Variants in AGBL4 observed in about 807,000 individuals in gnomAD.
The protein encoded by AGBL4 is cytosolic carboxypeptidase 6.
AGBL4 carries 58 observed loss-of-function variants against 66.4 expected under a neutral mutation model. The ratio of observed to expected loss-of-function variants is 0.87; its 90% CI spans 0.71 to 1.09. The LOEUF (loss-of-function observed/expected upper bound fraction) is 1.09. AGBL4 is among the 50% of genes least tolerant of loss of function. AGBL4 has a pLI of 0.00. For synonymous variants in AGBL4, 234 were observed against 222.9 expected (o/e 1.05, Z -0.44); for missense variants, 579 against 631.0 (o/e 0.92, Z 0.88).
chr1:49,168,612 T>C (rs1002685307), intron 4 of AGBL4, among the ~76,000 whole-genome samples: 3 of 152,210 alleles, frequency 2.0e-5, no homozygotes, highest in African/African-American at 7.2e-5. Context: ...GGTGCAGCCC[T>C]AGATTTTTGT....
At chr1:49,751,127 G>A (rs547173052) in intron 2 of AGBL4, among the ~76,000 whole-genome samples, 127 of 152,214 alleles carry the variant, frequency 8.3e-4, no homozygotes, top group African/African-American at 2.4e-3. Flanking sequence ...ATACTATGTC[G>A]AATAGGAATG....
At chr1:49,692,514 C>T (rs1440271048) in intron 3 of AGBL4, among the ~76,000 whole-genome samples, 1 of 151,962 alleles carries the variant, frequency 6.6e-6, no homozygotes, top group Admixed American at 6.6e-5. Context: ...GTCAGGAGAT[C>T]GAGACCATCC....
At chr1:49,429,441 A>C (rs961174975) in intron 3 of AGBL4, among the ~76,000 whole-genome samples, 2 of 152,206 alleles carry the variant, frequency 1.3e-5, no homozygotes, top group African/African-American at 4.8e-5. Flanking sequence ...TAGGTCTAAT[A>C]TTCAATTTGA....
At chr1:49,771,022 T>A (rs1644042108) in intron 2 of AGBL4, among the ~76,000 whole-genome samples, 1 of 152,136 alleles carries the variant, frequency 6.6e-6, no homozygotes, top group Non-Finnish European at 1.5e-5. Flanking sequence ...GTGAGCTTTA[T>A]TATTTCCTTC....
chr1:48,554,169 G>T (rs570596846), intron 11 of AGBL4, among the ~76,000 whole-genome samples: 1 of 152,292 alleles, frequency 6.6e-6, no homozygotes, highest in Non-Finnish European at 1.5e-5. Context: ...AGGACATGGG[G>T]TCCTCTACCT....
chr1:49,692,282 G>A (rs780196613), intron 3 of AGBL4, among the ~76,000 whole-genome samples: 2 of 152,188 alleles, frequency 1.3e-5, no homozygotes, highest in Non-Finnish European at 2.9e-5. Context: ...TCATAAGTAA[G>A]AGTCAGAAAT....
chr1:49,921,212 A>T (rs1437609462), intron 1 of AGBL4, among the ~76,000 whole-genome samples: 1 of 152,144 alleles, frequency 6.6e-6, no homozygotes, highest in African/African-American at 2.4e-5. Context: ...CACGTTGTGC[A>T]CATGTACCCT....
chr1:49,517,153 C>A (rs1405411606), intron 3 of AGBL4, among the ~76,000 whole-genome samples: 1 of 151,490 alleles, frequency 6.6e-6, no homozygotes, highest in Non-Finnish European at 1.5e-5. Flanking sequence ...CTCACCTTTG[C>A]ATGAAGGGCA....
chr1:49,561,963 G>A (rs1021268162), intron 3 of AGBL4, among the ~76,000 whole-genome samples: 5 of 152,004 alleles, frequency 3.3e-5, no homozygotes, highest in African/African-American at 1.2e-4. Context: ...ATCCTCTCCA[G>A]CACCTGTTGT....
At chr1:48,679,848 C>A (rs1394212517) in intron 6 of AGBL4, among the ~76,000 whole-genome samples, 1 of 152,208 alleles carries the variant, frequency 6.6e-6, no homozygotes, top group Non-Finnish European at 1.5e-5. Flanking sequence ...AGTCGCTTTT[C>A]CAATAAGCCC....
intron 3 of AGBL4, among the ~76,000 whole-genome samples, chr1:49,650,088 A>C (rs1645971647): frequency 1.3e-5 from 2 of 152,228 alleles, no homozygotes; most frequent in South Asian, 4.1e-4. Flanking sequence ...AAATATTTGA[A>C]TCCAAAGTAA....
At chr1:48,846,680 C>T (rs1437710336) in intron 6 of AGBL4, among the ~76,000 whole-genome samples, 1 of 152,164 alleles carries the variant, frequency 6.6e-6, no homozygotes. Flanking sequence ...GGTTTTATCT[C>T]ACATGCAGAT....
intron 6 of AGBL4, among the ~76,000 whole-genome samples, chr1:48,727,345 C>A (rs900685250): frequency 1.6e-4 from 24 of 152,192 alleles, no homozygotes; most frequent in African/African-American, 5.3e-4. Flanking sequence ...AGAAAGAGAT[C>A]TGCTTTTGAG....
chr1:48,830,466 C>A (rs1033863390), intron 6 of AGBL4, among the ~76,000 whole-genome samples: 3 of 152,214 alleles, frequency 2.0e-5, no homozygotes, highest in Non-Finnish European at 4.4e-5. Context: ...TATTGCCTAA[C>A]CTGTCTGTCT....
intron 2 of AGBL4, among the ~76,000 whole-genome samples, chr1:49,790,177 G>C (rs2147926006): frequency 6.6e-6 from 1 of 152,132 alleles, no homozygotes; most frequent in East Asian, 1.9e-4. Context: ...AAGAGTTCAA[G>C]ACCAGCCTGC....
chr1:49,779,906 A>G (rs1644294784), intron 2 of AGBL4, among the ~76,000 whole-genome samples: 2 of 150,162 alleles, frequency 1.3e-5, no homozygotes, highest in Admixed American at 1.4e-4. Flanking sequence ...CGTTGAAAGA[A>G]AAAGACAATG....
chr1:49,576,730 G>T (rs1179077325), intron 3 of AGBL4, among the ~76,000 whole-genome samples: 3 of 152,140 alleles, frequency 2.0e-5, no homozygotes, highest in African/African-American at 7.2e-5. Flanking sequence ...AAGTGGCATG[G>T]TGTTCACTCC....
intron 4 of AGBL4, among the ~76,000 whole-genome samples, chr1:49,107,145 C>T (rs894866934): frequency 7.2e-5 from 11 of 152,062 alleles, no homozygotes; most frequent in African/African-American, 2.7e-4. Flanking sequence ...TATGATGAAT[C>T]GAACTGATGG....
chr1:48,591,070 C>CA, intron 9 of AGBL4, 85 bp from the exon 10 acceptor site: 1 of 1,146,652 alleles, frequency 8.7e-7, no homozygotes, highest in Non-Finnish European at 1.2e-6. Context: ...CACACACACA[C>CA]CCCCCACACA....
Sources: allele counts gnomAD v4.1 joint callset (sites outside exome capture counted in the v4.1 genomes callset), GRCh38; gene constraint gnomAD v4.1.1; transcripts MANE v1.5; gene names NCBI Gene and HGNC (gene_info 2026-07-23, HGNC 2026-07-21).